The following IGLL5 variants were observed in gnomAD, a reference collection of about 807,000 sequenced individuals.
IGLL5 encodes immunoglobulin lambda like polypeptide 5, also known as immunoglobulin lambda-like polypeptide 5.
A neutral mutation model predicts 20.9 loss-of-function variants in IGLL5; 30 were observed. That is an observed-to-expected ratio of 1.44 (90% CI 1.07 to 1.95). The LOEUF (loss-of-function observed/expected upper bound fraction) is 1.95. Among genes scored for constraint, IGLL5 ranks in the 30% most tolerant of loss-of-function variants. The probability of loss-of-function intolerance (pLI) is 0.00; values close to 1 mark genes in which losing one functional copy is unlikely to be tolerated. For missense variants in IGLL5, 475 were observed against 270.7 expected (o/e 1.75, Z -5.30); for synonymous variants, 203 against 117.3 (o/e 1.73, Z -4.72).
chr22:22,890,025 T>C (rs2146002585), intron 1 of IGLL5, among the ~76,000 whole-genome samples: 1 of 151,230 alleles, frequency 6.6e-6, no homozygotes, highest in East Asian at 2.0e-4. Flanking sequence ...TTTTCTGGTT[T>C]TGTGAAGTTG....
chr22:22,888,216 T>C lies in IGLL5; in HGVS notation c.163T>C (p.Ser55Pro), dbSNP rs1277842552. ...AAGCGGGGACCCAGACCCTGGAGCCTCAGTTGGAAGCAGCCGATCCAGCCT... is the reference window on the plus strand; with the variant it reads ...AAGCGGGGACCCAGACCCTGGAGCCCCAGTTGGAAGCAGCCGATCCAGCCT... ...PQSGDPDPGA[S>P]VGSSRSSLRS... is the part of the protein sequence containing the mutation. The change falls in exon 1 of 3, where the codon TCA becomes CCA. Residue 55 changes from serine (S) to proline (P), a missense_variant. Ser to Pro is a moderately conservative substitution (Grantham distance 74). Coordinates refer to ENST00000526893, the MANE Select transcript of IGLL5 (RefSeq NM_001178126.2). The C allele has an allele frequency of 3.9e-6, 6 of 1,548,266 alleles. No homozygotes were observed. The highest frequency in any genetic ancestry group is 2.5e-5 in the East Asian group (1 of 40,584).
At chr22:22,894,643 G>T in intron 2 of IGLL5, among the ~76,000 whole-genome samples, 1 of 150,708 alleles carries the variant, frequency 6.6e-6, no homozygotes, top group African/African-American at 2.4e-5. Context: ...TGGCTACCAG[G>T]TGAAGTTTGG....
intron 2 of IGLL5, among the ~76,000 whole-genome samples, chr22:22,894,231 CCAAGA>C: frequency 6.6e-6 from 1 of 151,068 alleles, no homozygotes; most frequent in South Asian, 2.1e-4. Context: ...GGGAGCAGCC[CCAAGA>C]ACAGCTGAGG....
intron 2 of IGLL5, among the ~76,000 whole-genome samples, chr22:22,894,245 G>C (rs2068005212): frequency 3.3e-5 from 5 of 151,308 alleles, no homozygotes; most frequent in Admixed American, 1.3e-4. Context: ...GAACAGCTGA[G>C]GGTCTAGGCT....
At chr22:22,889,470 G>A (rs189328683) in intron 1 of IGLL5, among the ~76,000 whole-genome samples, 3 of 151,312 alleles carry the variant, frequency 2.0e-5, no homozygotes, top group South Asian at 2.1e-4. Flanking sequence ...AATCAAAGCT[G>A]TAACCAAATC....
intron 2 of IGLL5, among the ~76,000 whole-genome samples, chr22:22,894,185 G>C (rs553393888): frequency 1.3e-5 from 2 of 151,518 alleles, no homozygotes; most frequent in African/African-American, 2.4e-5. Flanking sequence ...GAGGCTGCTG[G>C]GGTGGGCCTG....
Position 22,893,861 on chromosome 22 carries a change from T to TG in IGLL5, c.325+44dup. 3.0e-6 allele frequency: 4 copies of TG among 1,328,110 alleles called. No homozygotes were observed. The South Asian group carries it at 3.5e-5, about 12-fold the overall frequency. 82.3% of individuals were successfully genotyped at this position (1,328,110 alleles called of 1,614,324 possible). On this transcript the variant is annotated intron_variant, in intron 2 of 2. Transcript: ENST00000526893. ...TTTCCCAGCCTGTCTCACCCTCTGC[T>TG]GTCCCTGGAAAATCTGTTTTCTCTC...
In IGLL5 at chr22:22,887,959, T is replaced by A. The variant is rs1215904885; in HGVS notation, c.-95T>A. ...ACAGAGCCAATGGACTGGGGTGTAC[T>A]GTAACAGCCCTGCTGGCGAGAGGGA... is the stretch of plus-strand genomic sequence containing the variant. On this transcript the variant is annotated 5_prime_UTR_variant, in exon 1 of 3. Transcript: ENST00000526893. 1 of 993,556 alleles carries A rather than the reference T, an allele frequency of 1.0e-6. No individual in the cohort carries two copies. Among genetic ancestry groups the A allele is most frequent in the South Asian group, 1.4e-5 (1 of 72,514 alleles). 61.5% of individuals were successfully genotyped at this position (993,556 alleles called of 1,614,324 possible). A position where few individuals can be genotyped will look rare whatever the true frequency, so the allele number is the denominator to read the frequency against.
intron 2 of IGLL5, among the ~76,000 whole-genome samples, chr22:22,894,993 A>T: frequency 6.6e-6 from 1 of 151,308 alleles, no homozygotes; most frequent in East Asian, 2.0e-4. Flanking sequence ...GTCCTGGAAG[A>T]ATAAAGTGGG....
chr22:22,891,220 T>C (rs183166460), intron 1 of IGLL5, among the ~76,000 whole-genome samples: 2 of 150,874 alleles, frequency 1.3e-5, no homozygotes, highest in Non-Finnish European at 2.9e-5. Context: ...TTTGGTGTAT[T>C]GGTGTTTTAT....
chr22:22,889,283 C>T (rs2067703845), intron 1 of IGLL5, among the ~76,000 whole-genome samples: 1 of 150,916 alleles, frequency 6.6e-6, no homozygotes, highest in Non-Finnish European at 1.5e-5. Flanking sequence ...GAAATGGGAG[C>T]ATGAAGTTGA....
chr22:22,888,753 A>T (rs528170285), intron 1 of IGLL5, among the ~76,000 whole-genome samples: 5 of 151,174 alleles, frequency 3.3e-5, no homozygotes, highest in East Asian at 2.0e-4. Flanking sequence ...TTGCACATAA[A>T]TGCTTACTGG....
intron 1 of IGLL5, among the ~76,000 whole-genome samples, chr22:22,889,057 G>T: frequency 6.6e-6 from 1 of 151,398 alleles, no homozygotes; most frequent in Non-Finnish European, 1.5e-5. Context: ...TCCAGGACGA[G>T]TCCTTGGATG....
rs369208897 is a variant in IGLL5 at position 22,895,477 on chromosome 22, C to T, written c.428C>T (p.Pro143Leu). 87 of 1,612,778 alleles carry T rather than the reference C, an allele frequency of 5.4e-5. No individual in the cohort carries two copies. In the Middle Eastern group the frequency reaches 4.5e-3, roughly 83 times the overall value. ...GTGTGTCTGATCAGTGACTTCTACCCGGGAGCTGTGACAGTGGCCTGGAAG... is the reference window on the plus strand; with the variant it reads ...GTGTGTCTGATCAGTGACTTCTACCTGGGAGCTGTGACAGTGGCCTGGAAG... The part of the protein sequence containing the change: ...TLVCLISDFY[P>L]GAVTVAWKAD... The change falls in exon 3 of 3, where the codon CCG (proline) becomes CTG (leucine). Residue 143 changes from proline to leucine, a missense_variant. Transcript: ENST00000526893.
chr22:22,894,681 T>C (rs543062928), intron 2 of IGLL5, among the ~76,000 whole-genome samples: 2 of 151,258 alleles, frequency 1.3e-5, no homozygotes, highest in African/African-American at 4.8e-5. Flanking sequence ...GGGGTGGGCC[T>C]GGGGGCTGCT....
At chr22:22,890,072 A>C (rs2067772866) in intron 1 of IGLL5, among the ~76,000 whole-genome samples, 1 of 150,900 alleles carries the variant, frequency 6.6e-6, no homozygotes, top group Non-Finnish European at 1.5e-5. Context: ...TATAATTTTT[A>C]ATACAACAGT....
intron 1 of IGLL5, among the ~76,000 whole-genome samples, chr22:22,889,337 C>G (rs2145994439): frequency 6.6e-6 from 1 of 151,028 alleles, no homozygotes; most frequent in East Asian, 2.0e-4. Flanking sequence ...CGGGGACTGT[C>G]TATGGGCATT....
At chr22:22,894,633 T>C (rs1008434108) in intron 2 of IGLL5, among the ~76,000 whole-genome samples, 1 of 151,086 alleles carries the variant, frequency 6.6e-6, no homozygotes. Flanking sequence ...GAGAACTCCA[T>C]GGCTACCAGG....
At chr22:22,889,359 A>G (rs551377223) in intron 1 of IGLL5, among the ~76,000 whole-genome samples, 2 of 151,028 alleles carry the variant, frequency 1.3e-5, no homozygotes, top group East Asian at 2.0e-4. Flanking sequence ...AAAATGTATA[A>G]CCATTTTAGC....
Sources: gnomAD v4.1 joint callset for allele counts (sites outside exome capture counted in the v4.1 genomes callset) on GRCh38, gnomAD v4.1.1 for gene constraint, MANE v1.5 for transcripts, NCBI Gene and HGNC (gene_info 2026-07-23, HGNC 2026-07-21) for gene names.